GPC6: variants seen among roughly 807,000 people sequenced by gnomAD.
GPC6 encodes the protein glypican 6, also known as glypican-6.
In GPC6, 14 loss-of-function variants were observed where a neutral mutation model predicts 55.2. The observed-to-expected ratio is 0.25, with a 90% CI of 0.17 to 0.40. The LOEUF is 0.40. GPC6 is among the 10% of genes least tolerant of loss of function. The pLI, the probability that GPC6 is intolerant of heterozygous loss-of-function variation, is 1.00. For missense variants in GPC6, 641 were observed against 708.5 expected (o/e 0.90, Z 1.08); for synonymous variants, 278 against 259.6 (o/e 1.07, Z -0.68).
At chr13:94,379,540 C>T (rs1323624) in intron 6 of GPC6, among the ~76,000 whole-genome samples, 8,262 of 152,224 alleles carry the variant, frequency 0.054, 725 homozygotes, top group African/African-American at 0.19. Flanking sequence ...TTCTCCCACC[C>T]CTCTTGGGAC....
intron 3 of GPC6, among the ~76,000 whole-genome samples, chr13:93,944,318 C>T (rs985535801): frequency 6.6e-6 from 1 of 152,078 alleles, no homozygotes; most frequent in Non-Finnish European, 1.5e-5. Flanking sequence ...ATTCTCCTGC[C>T]TCAGCCTCCC....
At chr13:94,193,743 G>A (rs766750124) in intron 4 of GPC6, among the ~76,000 whole-genome samples, 5 of 152,146 alleles carry the variant, frequency 3.3e-5, no homozygotes, top group African/African-American at 4.8e-5. Flanking sequence ...GATCATTGTC[G>A]TCATGCAGTG....
chr13:93,463,025 A>T (rs1036860111), intron 1 of GPC6, among the ~76,000 whole-genome samples: 1 of 152,172 alleles, frequency 6.6e-6, no homozygotes, highest in Admixed American at 6.5e-5. Context: ...GAATTAGGAC[A>T]ATCTTTTTTG....
chr13:93,800,047 C>T (rs1345417230), intron 2 of GPC6, among the ~76,000 whole-genome samples: 4 of 152,126 alleles, frequency 2.6e-5, no homozygotes, highest in Non-Finnish European at 5.9e-5. Flanking sequence ...TCCATTAACA[C>T]GATTTACATT....
intron 1 of GPC6, among the ~76,000 whole-genome samples, chr13:93,258,021 T>C (rs1877012310): frequency 6.6e-6 from 1 of 152,188 alleles, no homozygotes; most frequent in Non-Finnish European, 1.5e-5. Context: ...ATAGACATTT[T>C]AGTCATTATG....
intron 2 of GPC6, among the ~76,000 whole-genome samples, chr13:93,728,670 C>A (rs4773757): frequency 0.94 from 142,426 of 152,138 alleles, 66,694 homozygotes; most frequent in Admixed American, 0.96. Flanking sequence ...GGGTTGAAGT[C>A]ATTCTCCAGC....
intron 2 of GPC6, among the ~76,000 whole-genome samples, chr13:93,554,694 T>C (rs1016816632): frequency 2.0e-5 from 3 of 152,072 alleles, no homozygotes; most frequent in African/African-American, 7.2e-5. Context: ...TTTTAGCAAA[T>C]GTAAAAAAAG....
At chr13:93,312,989 A>T (rs1162431310) in intron 1 of GPC6, among the ~76,000 whole-genome samples, 1 of 152,150 alleles carries the variant, frequency 6.6e-6, no homozygotes, top group East Asian at 1.9e-4. Flanking sequence ...AGACATAACC[A>T]TTTTCATATT....
intron 2 of GPC6, among the ~76,000 whole-genome samples, chr13:93,754,208 C>T (rs1339873577): frequency 6.6e-6 from 1 of 152,088 alleles, no homozygotes; most frequent in African/African-American, 2.4e-5. Context: ...CAGTTTTTAC[C>T]TAATATGTCA....
At chr13:93,341,986 G>C (rs552316233) in intron 1 of GPC6, among the ~76,000 whole-genome samples, 1 of 149,418 alleles carries the variant, frequency 6.7e-6, no homozygotes, top group East Asian at 2.0e-4. Flanking sequence ...GCCCAATTTT[G>C]GCTCACTGAG....
chr13:93,724,020 A>G (rs112118567), intron 2 of GPC6, among the ~76,000 whole-genome samples: 13 of 152,078 alleles, frequency 8.5e-5, no homozygotes, highest in African/African-American at 2.9e-4. Context: ...AGGGCTTAAG[A>G]TATCATCATG....
intron 4 of GPC6, among the ~76,000 whole-genome samples, chr13:94,092,215 G>A (rs1885512018): frequency 6.6e-6 from 1 of 151,878 alleles, no homozygotes; most frequent in Admixed American, 6.6e-5. Context: ...TATAATCACT[G>A]TGCTCTATAT....
intron 1 of GPC6, among the ~76,000 whole-genome samples, chr13:93,233,660 A>C (rs893337760): frequency 5.3e-5 from 8 of 152,166 alleles, no homozygotes; most frequent in Non-Finnish European, 1.0e-4. Flanking sequence ...TCAGAGGCAG[A>C]ATAATGGGTT....
At chr13:94,122,787 TATG>T in intron 4 of GPC6, among the ~76,000 whole-genome samples, 1 of 152,234 alleles carries the variant, frequency 6.6e-6, no homozygotes, top group South Asian at 2.1e-4. Context: ...TTCAACATTA[TATG>T]AAGCAGTGTA....
chr13:94,280,383 G>A (rs1048835187), intron 4 of GPC6, among the ~76,000 whole-genome samples: 13 of 152,098 alleles, frequency 8.5e-5, no homozygotes, highest in Non-Finnish European at 1.5e-4. Flanking sequence ...CCTGGCTTAT[G>A]TACTCCTCAG....
intron 2 of GPC6, among the ~76,000 whole-genome samples, chr13:93,776,862 A>G (rs1293578344): frequency 1.3e-5 from 2 of 152,210 alleles, no homozygotes; most frequent in African/African-American, 4.8e-5. Context: ...GAAACATCAG[A>G]TGGCTGTGGC....
At chr13:93,390,714 A>G (rs1045862729) in intron 1 of GPC6, among the ~76,000 whole-genome samples, 4 of 151,640 alleles carry the variant, frequency 2.6e-5, no homozygotes, top group African/African-American at 7.3e-5. Context: ...TCTTTTAATG[A>G]TATGTGTCCA....
chr13:93,283,301 A>G (rs1281982765), intron 1 of GPC6, among the ~76,000 whole-genome samples: 1 of 152,166 alleles, frequency 6.6e-6, no homozygotes, highest in Non-Finnish European at 1.5e-5. Flanking sequence ...AAAAGAGCTA[A>G]AAACAGGGGA....
At chr13:94,194,875 TTG>T (rs547244832) in intron 4 of GPC6, among the ~76,000 whole-genome samples, 2 of 151,866 alleles carry the variant, frequency 1.3e-5, no homozygotes, top group East Asian at 1.9e-4. Flanking sequence ...GTGTGTGTGT[TTG>T]TGTGTGTGTA....
Sources: allele counts gnomAD v4.1 joint callset (sites outside exome capture counted in the v4.1 genomes callset), GRCh38; gene constraint gnomAD v4.1.1; transcripts MANE v1.5; gene names NCBI Gene and HGNC (gene_info 2026-07-23, HGNC 2026-07-21).